The following CEP128 variants were observed in gnomAD, a reference collection of about 807,000 sequenced individuals.
CEP128 encodes the protein centrosomal protein 128.
A neutral mutation model predicts 156.7 loss-of-function variants in CEP128; 132 were observed. That is an observed-to-expected ratio of 0.84 (90% CI 0.73 to 0.97). The LOEUF is 0.97. Among genes scored for constraint, CEP128 ranks in the 50% least tolerant of loss-of-function variants. The probability of loss-of-function intolerance (pLI) is 0.00; values close to 1 mark genes in which losing one functional copy is unlikely to be tolerated. For synonymous variants in CEP128, 469 were observed against 448.9 expected (o/e 1.04, Z -0.57); for missense variants, 1,252 against 1,281.9 (o/e 0.98, Z 0.36).
intron 19 of CEP128, among the ~76,000 whole-genome samples, chr14:80,706,922 G>A (rs758826210): frequency 1.1e-4 from 16 of 151,858 alleles, no homozygotes; most frequent in Admixed American, 6.6e-4. Context: ...CAACCCATCC[G>A]TGATATTTTT....
intron 19 of CEP128, among the ~76,000 whole-genome samples, chr14:80,708,341 G>A (rs12436717): frequency 0.022 from 3,361 of 152,218 alleles, 52 homozygotes; most frequent in Middle Eastern, 0.041. Context: ...ATGTTTGAAA[G>A]GGTCTATTTC....
intron 19 of CEP128, among the ~76,000 whole-genome samples, chr14:80,700,864 C>G (rs1484978013): frequency 6.6e-6 from 1 of 152,128 alleles, no homozygotes; most frequent in African/African-American, 2.4e-5. Context: ...ACTCAAGAGA[C>G]AAGCTTGTTT....
At chr14:80,773,452 T>A (rs991463324) in intron 16 of CEP128, among the ~76,000 whole-genome samples, 1 of 152,150 alleles carries the variant, frequency 6.6e-6, no homozygotes, top group Non-Finnish European at 1.5e-5. Flanking sequence ...ATGTCAATTT[T>A]CAGTGTCAGC....
intron 14 of CEP128, among the ~76,000 whole-genome samples, chr14:80,787,976 C>T (rs1028410046): frequency 6.6e-6 from 1 of 152,152 alleles, no homozygotes; most frequent in Non-Finnish European, 1.5e-5. Context: ...TGCAGTGTTC[C>T]AAGCTTCACA....
At chr14:80,677,876 G>A (rs1252616142) in intron 19 of CEP128, among the ~76,000 whole-genome samples, 2 of 151,930 alleles carry the variant, frequency 1.3e-5, no homozygotes, top group Admixed American at 6.6e-5. Flanking sequence ...TATGAATGTT[G>A]AAAAACATGT....
chr14:80,776,998 C>G (rs1320465265), intron 16 of CEP128, among the ~76,000 whole-genome samples: 1 of 152,128 alleles, frequency 6.6e-6, no homozygotes, highest in Non-Finnish European at 1.5e-5. Flanking sequence ...AAGCAGTGAG[C>G]CTGGTGGGGA....
At chr14:80,653,434 A>T (rs1595157033) in intron 19 of CEP128, among the ~76,000 whole-genome samples, 1 of 152,302 alleles carries the variant, frequency 6.6e-6, no homozygotes, top group Admixed American at 6.5e-5. Context: ...ATCAAGTACC[A>T]ATTGAGAATC....
chr14:80,541,641 TA>T (rs1290938502), intron 21 of CEP128, among the ~76,000 whole-genome samples: 2 of 152,154 alleles, frequency 1.3e-5, no homozygotes, highest in African/African-American at 4.8e-5. Flanking sequence ...CTCACAATCT[TA>T]CCCTTATCTA....
chr14:80,747,910 T>C (rs1014436139), intron 18 of CEP128, among the ~76,000 whole-genome samples: 2 of 152,188 alleles, frequency 1.3e-5, no homozygotes, highest in Admixed American at 6.5e-5. Flanking sequence ...GATTTTCTAC[T>C]TGAGGTGATG....
intron 19 of CEP128, among the ~76,000 whole-genome samples, chr14:80,684,156 T>C (rs966807582): frequency 6.6e-6 from 1 of 151,964 alleles, no homozygotes; most frequent in African/African-American, 2.4e-5. Context: ...GAATGAAAAG[T>C]TGGTTTTTTG....
intron 23 of CEP128, among the ~76,000 whole-genome samples, chr14:80,508,525 A>T (rs1305386781): frequency 6.6e-6 from 1 of 152,066 alleles, no homozygotes; most frequent in Non-Finnish European, 1.5e-5. Flanking sequence ...TATTTTACTA[A>T]TTTCCTATTG....
At chr14:80,570,032 C>T (rs1044405003) in intron 20 of CEP128, among the ~76,000 whole-genome samples, 1 of 152,130 alleles carries the variant, frequency 6.6e-6, no homozygotes, top group Non-Finnish European at 1.5e-5. Flanking sequence ...GAAAACATCC[C>T]TTTATATTAC....
chr14:80,888,271 C>T (rs748967005), intron 8 of CEP128, among the ~76,000 whole-genome samples: 1 of 152,182 alleles, frequency 6.6e-6, no homozygotes, highest in Non-Finnish European at 1.5e-5. Context: ...TCCTTCCTAA[C>T]TCATTTTATG....
chr14:80,890,337 T>G (rs1430122384), intron 8 of CEP128, among the ~76,000 whole-genome samples: 1 of 152,206 alleles, frequency 6.6e-6, no homozygotes. Flanking sequence ...GTATGTTTAT[T>G]GCAGCACTAT....
rs1279941129 is a variant in CEP128 at position 80,673,668 on chromosome 14, AAAAT to A, written c.2806+69403_2806+69406del. On this transcript the variant is annotated intron_variant, in intron 19 of 24. Transcript: ENST00000555265. ...CTCAAAAAAAAAAAAAAAAAAAAAAAAAATGTACTAAAGCAAAGGGATCTCACAT... is the reference window on the plus strand; with the variant it reads ...CTCAAAAAAAAAAAAAAAAAAAAAAAGTACTAAAGCAAAGGGATCTCACAT... Among the ~76,000 whole-genome samples the A allele has an allele frequency of 1.1e-4, 16 of 149,252 alleles. 2 individuals are homozygous for A. Among genetic ancestry groups the A allele is most frequent in the African/African-American group, 4.0e-4 (16 of 40,494 alleles).
At chr14:80,650,484 T>C (rs1260361457) in intron 19 of CEP128, among the ~76,000 whole-genome samples, 1 of 152,128 alleles carries the variant, frequency 6.6e-6, no homozygotes, top group Non-Finnish European at 1.5e-5. Context: ...GAGGGCATCC[T>C]TGTCTTGTGC....
intron 19 of CEP128, among the ~76,000 whole-genome samples, chr14:80,620,759 AG>A (rs1893445477): frequency 6.6e-6 from 1 of 152,202 alleles, no homozygotes; most frequent in African/African-American, 2.4e-5. Flanking sequence ...TTAATATCTG[AG>A]GGTAGAAATA....
At chr14:80,949,919 G>A (rs1022172317) in intron 2 of CEP128, among the ~76,000 whole-genome samples, 1 of 152,062 alleles carries the variant, frequency 6.6e-6, no homozygotes, top group African/African-American at 2.4e-5. Context: ...ATCAAACAAG[G>A]ACACTGTTGT....
At chr14:80,765,577 A>G (rs1032337606) in intron 16 of CEP128, among the ~76,000 whole-genome samples, 4 of 152,190 alleles carry the variant, frequency 2.6e-5, no homozygotes, top group African/African-American at 9.7e-5. Flanking sequence ...GGAAGACACA[A>G]TCTAACTTCA....
Sources: allele counts gnomAD v4.1 joint callset (sites outside exome capture counted in the v4.1 genomes callset), GRCh38; gene constraint gnomAD v4.1.1; transcripts MANE v1.5; gene names NCBI Gene and HGNC (gene_info 2026-07-23, HGNC 2026-07-21).